Variants in GPR158 observed in about 807,000 individuals in gnomAD.
GPR158 encodes metabotropic glycine receptor.
GPR158 carries 30 observed loss-of-function variants against 78.2 expected under a neutral mutation model. That is an observed-to-expected ratio of 0.38 (90% CI 0.29 to 0.52). The LOEUF (loss-of-function observed/expected upper bound fraction) is 0.52. GPR158 is among the 20% of genes least tolerant of loss of function. The pLI is 0.83. For synonymous variants in GPR158, 581 were observed against 591.1 expected (o/e 0.98, Z 0.25); for missense variants, 1,463 against 1,523.5 (o/e 0.96, Z 0.66).
chr10:25,380,439 GATCT>G (rs1388561447), intron 2 of GPR158, among the ~76,000 whole-genome samples: 3 of 151,894 alleles, frequency 2.0e-5, no homozygotes, highest in Non-Finnish European at 2.9e-5. Flanking sequence ...GTTTTAATTA[GATCT>G]ATCTATATTT....
chr10:25,390,123 G>A (rs1302531489), intron 2 of GPR158, among the ~76,000 whole-genome samples: 1 of 152,152 alleles, frequency 6.6e-6, no homozygotes, highest in African/African-American at 2.4e-5. Flanking sequence ...CATCCATGTG[G>A]AACTGTGAGT....
At chr10:25,298,801 G>T (rs750420295) in intron 2 of GPR158, among the ~76,000 whole-genome samples, 6 of 152,104 alleles carry the variant, frequency 3.9e-5, no homozygotes, top group Non-Finnish European at 8.8e-5. Context: ...AGCTTAAAAA[G>T]AATGCTTTAG....
intron 2 of GPR158, among the ~76,000 whole-genome samples, chr10:25,335,441 T>C (rs886140461): frequency 6.6e-6 from 1 of 152,132 alleles, no homozygotes; most frequent in Admixed American, 6.5e-5. Context: ...ATATGTTGAA[T>C]CTGTACTAAA....
chr10:25,392,166 A>G (rs1408909095), intron 2 of GPR158, among the ~76,000 whole-genome samples: 3 of 152,174 alleles, frequency 2.0e-5, no homozygotes, highest in Non-Finnish European at 4.4e-5. Context: ...ACAGCATGAG[A>G]GTGGACTAAT....
chr10:25,423,324 T>G (rs1379408510), intron 4 of GPR158, among the ~76,000 whole-genome samples: 5 of 151,936 alleles, frequency 3.3e-5, no homozygotes, highest in Non-Finnish European at 7.4e-5. Flanking sequence ...GTATAATGAC[T>G]TCTTTTCTTC....
At chr10:25,317,607 G>T (rs1183841055) in intron 2 of GPR158, among the ~76,000 whole-genome samples, 2 of 151,754 alleles carry the variant, frequency 1.3e-5, no homozygotes, top group Admixed American at 6.6e-5. Context: ...ACTTGTTTGA[G>T]AATATTTAAT....
At chr10:25,510,049 A>G (rs1002771770) in intron 5 of GPR158, among the ~76,000 whole-genome samples, 9 of 152,200 alleles carry the variant, frequency 5.9e-5, no homozygotes, top group African/African-American at 2.2e-4. Context: ...CCAAAGTCCC[A>G]ATAACATCAC....
chr10:25,532,923 T>C (rs1322892107), intron 5 of GPR158, among the ~76,000 whole-genome samples: 1 of 152,160 alleles, frequency 6.6e-6, no homozygotes, highest in Admixed American at 6.5e-5. Flanking sequence ...GCAGCTTTCT[T>C]TTTATTTAAC....
At chr10:25,286,006 T>C (rs1854346657) in intron 2 of GPR158, among the ~76,000 whole-genome samples, 1 of 152,228 alleles carries the variant, frequency 6.6e-6, no homozygotes, top group South Asian at 2.1e-4. Context: ...GTAATTCTTA[T>C]CATTGTTTCT....
intron 7 of GPR158, among the ~76,000 whole-genome samples, chr10:25,574,369 C>T (rs113582549): frequency 0.016 from 2,410 of 151,894 alleles, 68 homozygotes; most frequent in African/African-American, 0.055. Context: ...AGTCATTATT[C>T]CTTTCATTAG....
intron 4 of GPR158, among the ~76,000 whole-genome samples, chr10:25,450,258 C>T (rs1156854121): frequency 6.6e-6 from 1 of 151,912 alleles, no homozygotes; most frequent in African/African-American, 2.4e-5. Context: ...ACCAGGTTGA[C>T]AGAAGCCTAG....
chr10:25,249,786 G>A (rs141602559), intron 2 of GPR158, among the ~76,000 whole-genome samples: 2,633 of 151,890 alleles, frequency 0.017, 60 homozygotes, highest in African/African-American at 0.051. Flanking sequence ...TTTTTGTTCT[G>A]TCTCTGCCCG....
Position 25,597,809 on chromosome 10 carries a change from A to G in GPR158, c.2183A>G (p.Tyr728Cys). 1 of 1,515,362 alleles carries G rather than the reference A, an allele frequency of 6.6e-7. No homozygotes were observed. The highest frequency in any genetic ancestry group is 1.4e-5 in the African/African-American group (1 of 71,730). 93.9% of individuals were successfully genotyped at this position (1,515,362 alleles called of 1,614,324 possible). A position where few individuals can be genotyped will look rare whatever the true frequency, so the allele number is the denominator to read the frequency against. ...LKKLYAQLEI[Y>C]KRKKMITNNP... Reference sequence around the variant, plus strand: ...AAACTCTATGCCCAACTGGAAATATATAAAAGAAAGAAGATGATCACAAAC... The same window carrying G: ...AAACTCTATGCCCAACTGGAAATATGTAAAAGAAAGAAGATGATCACAAAC... The change falls in exon 11 of 11, where the codon TAT (tyrosine) becomes TGT (cysteine). Residue 728 changes from tyrosine to cysteine, a missense_variant. Physicochemically the swap from Tyr to Cys is radical, Grantham distance 194. Transcript: ENST00000376351.
chr10:25,230,370 A>T (rs1853431493), intron 2 of GPR158, among the ~76,000 whole-genome samples: 1 of 152,204 alleles, frequency 6.6e-6, no homozygotes, highest in South Asian at 2.1e-4. Flanking sequence ...TGTTCTCTAT[A>T]TCTGGAGAGG....
chr10:25,525,104 A>C (rs1310319418), intron 5 of GPR158, among the ~76,000 whole-genome samples: 1 of 152,196 alleles, frequency 6.6e-6, no homozygotes, highest in African/African-American at 2.4e-5. Flanking sequence ...CTGTAATAAA[A>C]AAGATAGATA....
chr10:25,308,358 G>A (rs1186983123), intron 2 of GPR158, among the ~76,000 whole-genome samples: 1 of 151,930 alleles, frequency 6.6e-6, no homozygotes, highest in East Asian at 1.9e-4. Flanking sequence ...GTGTCCATGT[G>A]TTCTCATTGT....
chr10:25,338,532 A>ATTGTATAT (rs1855255688), intron 2 of GPR158, among the ~76,000 whole-genome samples: 1 of 75,106 alleles, frequency 1.3e-5, no homozygotes, highest in Non-Finnish European at 4.5e-5. Flanking sequence ...TATATTACGT[A>ATTGTATAT]TATTATATAT....
rs568571757 is a variant in GPR158, at chr10:25,198,971, A to G, written c.903-22081A>G. 2.0e-5 allele frequency among the ~76,000 whole-genome samples: 3 copies of G among 151,822 alleles called. No homozygotes were observed. The South Asian group carries it at 6.3e-4, about 32-fold the overall frequency. On this transcript the variant is annotated intron_variant, in intron 1 of 10. Transcript: ENST00000376351. ...GACATTTTCATCCTTGTTATTTGCT[A>G]TAAGAGAGCATGTTAAAATATTTCT... is the stretch of plus-strand genomic sequence containing the variant.
intron 5 of GPR158, among the ~76,000 whole-genome samples, chr10:25,494,330 AT>A (rs1339973458): frequency 6.6e-6 from 1 of 152,112 alleles, no homozygotes; most frequent in Non-Finnish European, 1.5e-5. Context: ...ATGGATATTA[AT>A]TTTTCATGTT....
Sources: allele counts gnomAD v4.1 joint callset (sites outside exome capture counted in the v4.1 genomes callset), GRCh38; gene constraint gnomAD v4.1.1; transcripts MANE v1.5; gene names NCBI Gene and HGNC (gene_info 2026-07-23, HGNC 2026-07-21).